PGBD1: variants seen among roughly 807,000 people sequenced by gnomAD.
PGBD1 encodes piggyBac transposable element derived 1.
A neutral mutation model predicts 34.7 loss-of-function variants in PGBD1; 25 were observed. That is an observed-to-expected ratio of 0.72 (90% CI 0.52 to 1.00). PGBD1 has a LOEUF of 1.00. Among genes scored for constraint, PGBD1 ranks in the 50% least tolerant of loss-of-function variants. PGBD1 has a pLI of 0.00. For synonymous variants in PGBD1, 292 were observed against 335.7 expected, an observed-to-expected ratio of 0.87 and a Z score of 1.42; for missense variants, 830 against 959.4, an observed-to-expected ratio of 0.87 and a Z score of 1.78.
intron 2 of PGBD1, 71 bp from the exon 3 acceptor site, chr6:28,285,480 A>G: frequency 1.4e-6 from 2 of 1,477,810 alleles, no homozygotes; most frequent in Non-Finnish European, 9.2e-7. Flanking sequence ...CCCAGCATGT[A>G]GAACAGTGCC....
intron 6 of PGBD1, among the ~76,000 whole-genome samples, chr6:28,298,955 G>C (rs184222714): frequency 2.0e-5 from 3 of 152,062 alleles, no homozygotes; most frequent in African/African-American, 7.2e-5. Context: ...GCTGAGAAGG[G>C]GGTGTGAATT....
intron 3 of PGBD1, 131 bp from the exon 4 acceptor site, chr6:28,286,949 C>A: frequency 1.4e-6 from 1 of 704,894 alleles, no homozygotes. Flanking sequence ...CTTTCTCACA[C>A]TGTAAAATCT....
At chr6:28,289,426 G>T (rs1042588137) in intron 4 of PGBD1, among the ~76,000 whole-genome samples, 5 of 152,142 alleles carry the variant, frequency 3.3e-5, no homozygotes, top group Admixed American at 6.6e-5. Flanking sequence ...CATCTTACAA[G>T]AAATGCTAAA....
intron 4 of PGBD1, among the ~76,000 whole-genome samples, chr6:28,291,172 AT>A (rs1199979875): frequency 6.7e-6 from 1 of 150,370 alleles, no homozygotes; most frequent in African/African-American, 2.4e-5. Flanking sequence ...AAGAAGTTGG[AT>A]TTTTTTTAAA....
At chr6:28,291,909 TAAA>T (rs1260989098) in intron 4 of PGBD1, among the ~76,000 whole-genome samples, 1 of 151,912 alleles carries the variant, frequency 6.6e-6, no homozygotes, top group African/African-American at 2.4e-5. Flanking sequence ...TGCTTTTTGA[TAAA>T]AACCCTTGTC....
intron 2 of PGBD1, among the ~76,000 whole-genome samples, 185 bp from the exon 3 acceptor site, chr6:28,285,366 A>G (rs1762255389): frequency 6.6e-6 from 1 of 152,114 alleles, no homozygotes; most frequent in Admixed American, 6.6e-5. Flanking sequence ...CCTGTTCCTC[A>G]TTAAATTTTC....
At chr6:28,291,161 C>G (rs1207339342) in intron 4 of PGBD1, among the ~76,000 whole-genome samples, 1 of 103,130 alleles carries the variant, frequency 9.7e-6, no homozygotes, top group South Asian at 3.0e-4. Context: ...AACAATGAAA[C>G]AAGAAGTTGG....
In PGBD1 at chr6:28,281,655, C is replaced by T; in HGVS notation, c.-302C>T. On this transcript the variant is annotated 5_prime_UTR_variant, in exon 1 of 7. Transcript: ENST00000682144. Reference sequence around the variant, plus strand: ...CCCGGGCTCTGGGGAAACCGGCGCTCCCGACAGGGGAGCACCGGGCCTCTG... The same window carrying T: ...CCCGGGCTCTGGGGAAACCGGCGCTTCCGACAGGGGAGCACCGGGCCTCTG... 2.7e-6 allele frequency: 1 copy of T among 363,806 alleles called. No homozygotes were observed. Among genetic ancestry groups the T allele is most frequent in the Non-Finnish European group, 4.9e-6 (1 of 206,146 alleles). The allele number at this position is 363,806 out of a possible 1,614,324, so 22.5% of individuals were successfully genotyped here.
Sources: allele counts gnomAD v4.1 joint callset (sites outside exome capture counted in the v4.1 genomes callset), GRCh38; gene constraint gnomAD v4.1.1; transcripts MANE v1.5; gene names NCBI Gene and HGNC (gene_info 2026-07-23, HGNC 2026-07-21).